STK3: variants seen among roughly 807,000 people sequenced by gnomAD.
STK3 encodes serine/threonine-protein kinase 3.
In STK3, 41 loss-of-function variants were observed where a neutral mutation model predicts 58.0. The observed-to-expected ratio is 0.71, with a 90% CI of 0.55 to 0.92. The LOEUF is 0.92. STK3 is among the 40% of genes least tolerant of loss of function. The probability of loss-of-function intolerance (pLI) is 0.00; values close to 1 mark genes in which losing one functional copy is unlikely to be tolerated. For missense variants in STK3, 479 were observed against 602.7 expected (o/e 0.79, Z 2.15); for synonymous variants, 170 against 191.0 (o/e 0.89, Z 0.91).
chr8:98,761,297 G>C (rs1030661669), intron 3 of STK3, among the ~76,000 whole-genome samples: 1 of 151,654 alleles, frequency 6.6e-6, no homozygotes, highest in Admixed American at 6.6e-5. Context: ...GTGAATTTTT[G>C]TATTTTTTTT....
intron 3 of STK3, among the ~76,000 whole-genome samples, chr8:98,419,439 A>T (rs1818147767): frequency 6.6e-6 from 1 of 152,180 alleles, no homozygotes; most frequent in Admixed American, 6.5e-5. Context: ...TTCAGTGGGA[A>T]CGTGGAATGG....
intron 9 of STK3, among the ~76,000 whole-genome samples, chr8:98,528,390 T>C (rs1156312174): frequency 6.6e-6 from 1 of 152,116 alleles, no homozygotes; most frequent in Non-Finnish European, 1.5e-5. Flanking sequence ...TCAAATTGGA[T>C]CCTTAAAGCC....
rs2131726726 is a variant in STK3, at chr8:98,579,587, C to A, written c.948+77G>T. On this transcript the variant is annotated intron_variant, in intron 8 of 10. Coordinates refer to ENST00000419617, the MANE Select transcript of STK3 (RefSeq NM_006281.4). ...TACTTGTATAGTAAAACAGTAAGTG[C>A]TTTTAATATATTTTAACAGAATTAC... 5 of 1,502,252 alleles carry A rather than the reference C, an allele frequency of 3.3e-6. No homozygotes were observed. In the East Asian group the frequency reaches 7.0e-5, roughly 21 times the overall value. The allele number at this position is 1,502,252 out of a possible 1,614,324, so 93.1% of individuals were successfully genotyped here.
the STK3 span, among the ~76,000 whole-genome samples, chr8:98,361,967 C>T: frequency 6.6e-6 from 1 of 152,160 alleles, no homozygotes; most frequent in Non-Finnish European, 1.5e-5. Flanking sequence ...TCACTGCCAG[C>T]CTGAATCCTC....
intron 6 of STK3, 122 bp from the exon 7 acceptor site, chr8:98,596,291 G>C: frequency 2.5e-6 from 3 of 1,182,098 alleles, no homozygotes; most frequent in Admixed American, 2.8e-5. Context: ...AGCTGTTCTA[G>C]GATTTCTAGT....
intron 1 of STK3, among the ~76,000 whole-genome samples, chr8:98,917,527 A>T (rs919459403): frequency 6.6e-6 from 1 of 152,176 alleles, no homozygotes; most frequent in African/African-American, 2.4e-5. Flanking sequence ...TAAGAACGGG[A>T]TTAGTACACT....
chr8:98,586,938 T>G (rs1185603924), intron 7 of STK3, among the ~76,000 whole-genome samples: 2,379 of 150,474 alleles, frequency 0.016, 66 homozygotes, highest in African/African-American at 0.057. Context: ...GGGATCGGTG[T>G]TGATATCCCC....
chr8:98,413,313 C>CGCAAGCCA, intron 3 of STK3: 1 of 478,456 alleles, frequency 2.1e-6, no homozygotes, highest in Non-Finnish European at 4.1e-6. Flanking sequence ...CCATGCCTGG[C>CGCAAGCCA]CTAATTTTGT....
chr8:98,536,975 C>T (rs1243728342), intron 9 of STK3, among the ~76,000 whole-genome samples: 1 of 152,092 alleles, frequency 6.6e-6, no homozygotes. Flanking sequence ...ACCTAAAAAA[C>T]CTATGGCAAA....
At position 98,854,803 on chromosome 8, in the gene STK3, C is replaced by G. The variant is rs547640800; in HGVS notation, c.110+28844G>C. On this transcript the variant is annotated intron_variant, in intron 3 of 12. Transcript: ENST00000523601. ...GGGCACGGTGGCTCACACCTGTAAT[C>G]CTAGCAATTTAGGAGGCCAAGGTGG... Among the ~76,000 whole-genome samples, 30 of 152,194 alleles carry G rather than the reference C, an allele frequency of 2.0e-4. 1 individual carries two copies. Among genetic ancestry groups the G allele is most frequent in the African/African-American group, 7.2e-4 (30 of 41,526 alleles).
intron 8 of STK3, among the ~76,000 whole-genome samples, chr8:98,563,519 C>T (rs1812230589): frequency 6.6e-6 from 1 of 152,068 alleles, no homozygotes; most frequent in African/African-American, 2.4e-5. Context: ...ACAGAAGCAA[C>T]AACATCCCAC....
intron 10 of STK3, among the ~76,000 whole-genome samples, chr8:98,477,285 T>C (rs913903122): frequency 2.6e-5 from 4 of 152,190 alleles, no homozygotes; most frequent in Non-Finnish European, 4.4e-5. Flanking sequence ...CTCCTTGCCA[T>C]GTAAAATTCA....
At chr8:98,655,899 G>T (rs1821456977) in intron 6 of STK3, among the ~76,000 whole-genome samples, 2 of 152,264 alleles carry the variant, frequency 1.3e-5, no homozygotes, top group South Asian at 2.1e-4. Context: ...GAATGTAAAT[G>T]AGTTCAACCA....
At chr8:98,400,256 C>T (rs1428601098), downstream of STK3, among the ~76,000 whole-genome samples, 2 of 152,214 alleles carry the variant, frequency 1.3e-5, no homozygotes. Context: ...TCCAGGGATT[C>T]CATAATGAAA....
intron 4 of STK3, among the ~76,000 whole-genome samples, chr8:98,711,111 C>T (rs1323212011): frequency 1.3e-5 from 2 of 152,172 alleles, no homozygotes; most frequent in Non-Finnish European, 2.9e-5. Flanking sequence ...ACAGAAAGGA[C>T]ATCCACACCA....
chr8:98,780,727 G>A (rs947439188), intron 1 of STK3, among the ~76,000 whole-genome samples: 2 of 151,806 alleles, frequency 1.3e-5, no homozygotes, highest in South Asian at 2.1e-4. Context: ...GTAGATTTCC[G>A]GTAAGCAACT....
At chr8:98,889,162 C>A (rs1443926903) in intron 1 of STK3, among the ~76,000 whole-genome samples, 1 of 152,190 alleles carries the variant, frequency 6.6e-6, no homozygotes, top group Non-Finnish European at 1.5e-5. Flanking sequence ...GCCTGGGAAC[C>A]ATTCCTTTTC....
chr8:98,577,290 T>C (rs1184702103), intron 8 of STK3, among the ~76,000 whole-genome samples: 3 of 152,000 alleles, frequency 2.0e-5, no homozygotes, highest in Non-Finnish European at 4.4e-5. Context: ...AGTTCAAGAC[T>C]AGCCTGACCA....
At chr8:98,707,400 G>A (rs1204091678) in intron 4 of STK3, 89 bp from the exon 5 acceptor site, 19 of 724,080 alleles carry the variant, frequency 2.6e-5, no homozygotes, top group East Asian at 1.5e-4. Flanking sequence ...ATGTCTTTCC[G>A]TGTGTGTGTG....
Sources: allele counts gnomAD v4.1 joint callset (sites outside exome capture counted in the v4.1 genomes callset), GRCh38; gene constraint gnomAD v4.1.1; transcripts MANE v1.5; gene names NCBI Gene and HGNC (gene_info 2026-07-23, HGNC 2026-07-21).